The following C11orf65 variants were observed in gnomAD, a reference collection of about 807,000 sequenced individuals.
C11orf65 encodes the protein chromosome 11 open reading frame 65.
In C11orf65, 38 loss-of-function variants were observed where a neutral mutation model predicts 35.3. The ratio of observed to expected loss-of-function variants is 1.08; its 90% CI spans 0.83 to 1.41. The LOEUF (loss-of-function observed/expected upper bound fraction) is 1.41. Ranked by LOEUF, C11orf65 falls within the 40% of genes most tolerant of loss-of-function variation. The probability of loss-of-function intolerance (pLI) is 0.00; values close to 1 mark genes in which losing one functional copy is unlikely to be tolerated. For missense variants in C11orf65, 370 were observed against 367.1 expected (o/e 1.01, Z -0.06); for synonymous variants, 105 against 114.4 (o/e 0.92, Z 0.53).
chr11:108,309,210 C>CA, intron 6 of C11orf65: 1 of 530,284 alleles, frequency 1.9e-6, no homozygotes, highest in Admixed American at 3.1e-5. Flanking sequence ...ACAACAACAA[C>CA]AAAAAAATTG....
At chr11:108,339,485 G>T (rs754959154) in intron 2 of C11orf65, among the ~76,000 whole-genome samples, 1 of 151,978 alleles carries the variant, frequency 6.6e-6, no homozygotes, top group Non-Finnish European at 1.5e-5. Context: ...TATCAGCTGT[G>T]TACTTTCAGA....
chr11:108,403,415 TTTTTG>T lies in C11orf65; in HGVS notation c.560+2009_560+2013del, dbSNP rs1482338181. ...AAATGTGATTGTTTGAGAGGTTTTTTTTTTGTTTTTTTTTTTTTTACATATTCTTG... is the reference window on the plus strand; with the variant it reads ...AAATGTGATTGTTTGAGAGGTTTTTTTTTTTTTTTTTTTTACATATTCTTG... On this transcript the variant is annotated intron_variant, in intron 6 of 8. Transcript: ENST00000393084. Among the ~76,000 whole-genome samples, 10 of 145,484 alleles carry T rather than the reference TTTTTG, an allele frequency of 6.9e-5. No individual in the cohort carries two copies. The East Asian group carries it at 1.4e-3, about 20-fold the overall frequency.
At chr11:108,395,865 C>G (rs1304605506) in intron 6 of C11orf65, among the ~76,000 whole-genome samples, 1 of 151,704 alleles carries the variant, frequency 6.6e-6, no homozygotes, top group East Asian at 1.9e-4. Context: ...TCGTGATCTG[C>G]CTGCCTCGGC....
intron 2 of C11orf65, among the ~76,000 whole-genome samples, chr11:108,451,857 C>T (rs1458458652): frequency 6.6e-6 from 1 of 152,186 alleles, no homozygotes; most frequent in Non-Finnish European, 1.5e-5. Flanking sequence ...TACCACACAT[C>T]TACAACCATC....
At chr11:108,412,990 CT>C (rs1400447442) in intron 3 of C11orf65, among the ~76,000 whole-genome samples, 1 of 152,132 alleles carries the variant, frequency 6.6e-6, no homozygotes, top group Non-Finnish European at 1.5e-5. Flanking sequence ...TTCAATACCC[CT>C]CTATCAGTAA....
intron 2 of C11orf65, among the ~76,000 whole-genome samples, chr11:108,456,682 C>A (rs2093414399): frequency 2.0e-5 from 3 of 151,308 alleles, no homozygotes; most frequent in African/African-American, 7.3e-5. Flanking sequence ...GAGGCTGAGG[C>A]AGGAGGATTG....
intron 3 of C11orf65, among the ~76,000 whole-genome samples, chr11:108,424,241 A>G (rs904634104): frequency 6.6e-6 from 1 of 152,170 alleles, no homozygotes; most frequent in Admixed American, 6.6e-5. Context: ...AACACAGCAC[A>G]AGAACTTTGT....
intron 2 of C11orf65, among the ~76,000 whole-genome samples, chr11:108,337,383 C>T (rs1490838772): frequency 6.6e-6 from 1 of 152,154 alleles, no homozygotes; most frequent in African/African-American, 2.4e-5. Flanking sequence ...GCAAAAGTTG[C>T]TCTATAAAGG....
intron 1 of C11orf65, among the ~76,000 whole-genome samples, chr11:108,467,162 G>A (rs1053445782): frequency 3.3e-5 from 5 of 152,162 alleles, no homozygotes; most frequent in African/African-American, 1.2e-4. Flanking sequence ...GAGGATTGGG[G>A]TGTGGGGATC....
downstream of C11orf65, chr11:108,327,509 A>G (rs2085790199): frequency 1.5e-6 from 1 of 666,852 alleles, no homozygotes; most frequent in African/African-American, 1.8e-5. Flanking sequence ...TGGCAAAAGC[A>G]GATGAGGAAA....
At chr11:108,341,818 A>G (rs1321392760) in intron 2 of C11orf65, among the ~76,000 whole-genome samples, 1 of 152,206 alleles carries the variant, frequency 6.6e-6, no homozygotes, top group Non-Finnish European at 1.5e-5. Flanking sequence ...CAAAATATAA[A>G]AAGCCTGACA....
chr11:108,407,367 G>A (rs182813109), intron 3 of C11orf65, among the ~76,000 whole-genome samples: 3 of 152,020 alleles, frequency 2.0e-5, no homozygotes, highest in Admixed American at 1.3e-4. Context: ...GCTGGAGTGC[G>A]GTGGCATGAT....
chr11:108,421,412 T>C (rs879843231), intron 3 of C11orf65, among the ~76,000 whole-genome samples: 2 of 152,022 alleles, frequency 1.3e-5, no homozygotes, highest in Non-Finnish European at 2.9e-5. Flanking sequence ...TCCCAGAACT[T>C]TGGGAGGCCG....
chr11:108,441,219 A>G (rs1302094644), intron 2 of C11orf65, among the ~76,000 whole-genome samples: 1 of 152,226 alleles, frequency 6.6e-6, no homozygotes, highest in East Asian at 1.9e-4. Flanking sequence ...AACCTTGCTC[A>G]CTACTAACAC....
intron 2 of C11orf65, among the ~76,000 whole-genome samples, chr11:108,450,146 A>G (rs2093326491): frequency 6.6e-6 from 1 of 151,992 alleles, no homozygotes; most frequent in South Asian, 2.1e-4. Flanking sequence ...GGTGCTGGAG[A>G]GGATGTGGAG....
At chr11:108,344,833 ATC>A (rs1450424302) in intron 2 of C11orf65, among the ~76,000 whole-genome samples, 1 of 152,032 alleles carries the variant, frequency 6.6e-6, no homozygotes, top group Non-Finnish European at 1.5e-5. Flanking sequence ...GTGAGACCAC[ATC>A]TCTACAAAAA....
intron 2 of C11orf65, among the ~76,000 whole-genome samples, chr11:108,446,571 C>T (rs1008517320): frequency 6.6e-6 from 1 of 151,962 alleles, no homozygotes; most frequent in Admixed American, 6.6e-5. Flanking sequence ...ACTTTACAGA[C>T]AAGCAAATTC....
At chr11:108,446,762 G>A (rs1367922470) in intron 2 of C11orf65, among the ~76,000 whole-genome samples, 1 of 152,122 alleles carries the variant, frequency 6.6e-6, no homozygotes, top group African/African-American at 2.4e-5. Context: ...ATAATGACAG[G>A]ACCAAATTTA....
At chr11:108,404,579 T>C (rs1267020052) in intron 6 of C11orf65, among the ~76,000 whole-genome samples, 1 of 98,482 alleles carries the variant, frequency 1.0e-5, no homozygotes, top group East Asian at 2.8e-4. Flanking sequence ...GGCTAATTTT[T>C]TCTTTTCTTT....
Sources: gnomAD v4.1 joint callset for allele counts (sites outside exome capture counted in the v4.1 genomes callset) on GRCh38, gnomAD v4.1.1 for gene constraint, MANE v1.5 for transcripts, NCBI Gene and HGNC (gene_info 2026-07-23, HGNC 2026-07-21) for gene names.